The following ADGRE3 variants were observed in gnomAD, a reference collection of about 807,000 sequenced individuals.
ADGRE3 encodes adhesion G protein-coupled receptor E3.
A neutral mutation model predicts 80.1 loss-of-function variants in ADGRE3; 88 were observed. The ratio of observed to expected loss-of-function variants is 1.10; its 90% CI spans 0.93 to 1.31. ADGRE3 has a LOEUF of 1.31. ADGRE3 is among the 40% of genes most tolerant of loss of function. ADGRE3 has a pLI of 0.00. For missense variants in ADGRE3, 715 were observed against 776.5 expected (o/e 0.92, Z 0.94); for synonymous variants, 281 against 294.8 (o/e 0.95, Z 0.48).
At chr19:14,615,116 G>A (rs191997020), downstream of ADGRE3, among the ~76,000 whole-genome samples, 2 of 150,400 alleles carry the variant, frequency 1.3e-5, no homozygotes, top group Non-Finnish European at 3.0e-5. Context: ...CTTGTCCATT[G>A]TCATTTAGTG....
Position 14,629,129 on chromosome 19 carries a change from C to T in ADGRE3, c.1812+910G>A, listed in dbSNP as rs546838565. On this transcript the variant is annotated intron_variant, in intron 14 of 15. Transcript: ENST00000253673. ...AGTAGAGATGGGGTTTCGCCATGTT[C>T]GTCAGGCTGGTCTCAAACTCCTGAG... Among the ~76,000 whole-genome samples the T allele has an allele frequency of 2.9e-4, 44 of 152,030 alleles. No individual in the cohort carries two copies. In the South Asian group the frequency reaches 2.9e-3, roughly 10 times the overall value.
chr19:14,665,013 G>A (rs545471971), intron 2 of ADGRE3, among the ~76,000 whole-genome samples: 1 of 146,616 alleles, frequency 6.8e-6, no homozygotes, highest in African/African-American at 2.5e-5. Context: ...GTAAAATTTT[G>A]CCTGAGAATT....
At chr19:14,670,007 C>G (rs1972208922) in intron 1 of ADGRE3, among the ~76,000 whole-genome samples, 1 of 152,112 alleles carries the variant, frequency 6.6e-6, no homozygotes, top group Non-Finnish European at 1.5e-5. Context: ...GAAACCCAGT[C>G]TCCACCATTA....
chr19:14,636,012 T>C (rs60652332), intron 11 of ADGRE3, among the ~76,000 whole-genome samples: 74,402 of 99,964 alleles, frequency 0.74, 28,389 homozygotes, highest in Admixed American at 0.82. Flanking sequence ...TCTCTTTCTT[T>C]CTTCCTTCCT....
At chr19:14,626,139 G>A (rs1412407147) in intron 14 of ADGRE3, among the ~76,000 whole-genome samples, 1 of 152,008 alleles carries the variant, frequency 6.6e-6, no homozygotes, top group Non-Finnish European at 1.5e-5. Context: ...GTATATAATT[G>A]TTGTAGAAAA....
At chr19:14,621,686 G>A in intron 15 of ADGRE3, 1 of 1,034,896 alleles carries the variant, frequency 9.7e-7, no homozygotes, top group South Asian at 1.6e-5. Flanking sequence ...CTTATAAATA[G>A]GATTTTCACC....
rs554951660 is a variant in ADGRE3, at chr19:14,670,933, G to GT, written c.26-2082dup. Among the ~76,000 whole-genome samples the GT allele has an allele frequency of 5.2e-4, 79 of 152,324 alleles. 1 individual carries two copies. The South Asian group carries it at 0.016, about 32-fold the overall frequency. ...GCTGTTCAGATTGTAGACACTGTAG[G>GT]TTGGCATGTTTATTGTGACAGTGAC... On this transcript the variant is annotated intron_variant, in intron 1 of 15. Transcript: ENST00000253673.
At chr19:14,605,509 A>AT in the ADGRE3 span, among the ~76,000 whole-genome samples, 1 of 152,180 alleles carries the variant, frequency 6.6e-6, no homozygotes, top group African/African-American at 2.4e-5. Flanking sequence ...ACTTTGACAA[A>AT]TGCGTACACC....
At chr19:14,663,625 G>C in intron 2 of ADGRE3, 85 bp from the exon 3 acceptor site, 3 of 1,465,316 alleles carry the variant, frequency 2.0e-6, no homozygotes, top group Non-Finnish European at 2.8e-6. Flanking sequence ...GATCACCTGA[G>C]GTCAGGAGTT....
At chr19:14,657,056 C>G (rs1056947649) in intron 5 of ADGRE3, among the ~76,000 whole-genome samples, 20 of 151,964 alleles carry the variant, frequency 1.3e-4, no homozygotes, top group African/African-American at 4.8e-4. Flanking sequence ...CCCCCATGCC[C>G]GGCTAATTTT....
intron 11 of ADGRE3, among the ~76,000 whole-genome samples, chr19:14,636,186 T>TC (rs1444301279): frequency 0.084 from 877 of 10,496 alleles, 273 homozygotes; most frequent in Middle Eastern, 0.28. Context: ...CCTTCCTCTT[T>TC]CTTTCTTTCT....
At chr19:14,631,261 G>T (rs1450131103) in intron 13 of ADGRE3, among the ~76,000 whole-genome samples, 1 of 152,064 alleles carries the variant, frequency 6.6e-6, no homozygotes, top group African/African-American at 2.4e-5. Context: ...ATAAATGTTT[G>T]AGGTGATGAG....
intron 14 of ADGRE3, 57 bp from the exon 15 acceptor site, chr19:14,625,656 A>G: frequency 9.6e-7 from 1 of 1,046,436 alleles, no homozygotes; most frequent in Non-Finnish European, 1.5e-6. Flanking sequence ...GAACAGCAGA[A>G]AGGTCGGTGA....
chr19:14,629,948 A>G, intron 14 of ADGRE3, 91 bp downstream of exon 14: 1 of 805,256 alleles, frequency 1.2e-6, no homozygotes, highest in Non-Finnish European at 1.9e-6. Context: ...CTCATGTGGA[A>G]CATTTAGAGA....
intron 11 of ADGRE3, 91 bp downstream of exon 11, chr19:14,638,014 G>C (rs1052502287): frequency 1.1e-6 from 1 of 890,528 alleles, no homozygotes; most frequent in Non-Finnish European, 1.9e-6. Flanking sequence ...AGAGTGCATT[G>C]GTTACGTATA....
chr19:14,622,329 T>G (rs1345133546), intron 15 of ADGRE3: 1 of 489,978 alleles, frequency 2.0e-6, no homozygotes, highest in East Asian at 3.2e-5. Context: ...GGATGGTTAT[T>G]CTTGTCAGCT....
At position 14,638,026 on chromosome 19, in the gene ADGRE3, T is replaced by C. The variant is rs555479508; in HGVS notation, c.1484+79A>G. On this transcript the variant is annotated intron_variant, in intron 11 of 15. Coordinates refer to ENST00000253673, the MANE Select transcript of ADGRE3 (RefSeq NM_032571.5). ...CGTAGAGTGCATTGGTTACGTATAT[T>C]CCCACCATCATCATGAATGCTGCCC... 193 of 1,010,966 alleles carry C rather than the reference T, an allele frequency of 1.9e-4. No homozygotes were observed. The African/African-American group carries it at 2.8e-3, about 15-fold the overall frequency. The allele number at this position is 1,010,966 out of a possible 1,614,324, so 62.6% of individuals were successfully genotyped here.
the ADGRE3 span, among the ~76,000 whole-genome samples, chr19:14,602,148 A>T: frequency 6.6e-6 from 1 of 151,674 alleles, no homozygotes; most frequent in African/African-American, 2.4e-5. Context: ...CCTAGGCTCT[A>T]TGTTTTCTAT....
chr19:14,620,568 A>ATTTTTTTATTTTTTTTT (rs1970572436), intron 15 of ADGRE3, among the ~76,000 whole-genome samples: 1 of 11,060 alleles, frequency 9.0e-5, no homozygotes, highest in Non-Finnish European at 1.5e-4. Flanking sequence ...ATATATATAT[A>ATTTTTTTATTTTTTTTT]TTTTTTTTTT....
Sources: gnomAD v4.1 joint callset for allele counts (sites outside exome capture counted in the v4.1 genomes callset) on GRCh38, gnomAD v4.1.1 for gene constraint, MANE v1.5 for transcripts, NCBI Gene and HGNC (gene_info 2026-07-23, HGNC 2026-07-21) for gene names.